Variants in C5 observed in about 807,000 individuals in gnomAD.
C5 encodes C3 and PZP-like alpha-2-macroglobulin domain-containing protein 4.
Under a neutral mutation model 218.8 loss-of-function variants are expected in C5, and 140 were observed. The ratio of observed to expected loss-of-function variants is 0.64; its 90% CI spans 0.56 to 0.74. The LOEUF (loss-of-function observed/expected upper bound fraction) is 0.74, where lower values mean the gene tolerates loss of function less well. C5 is among the 30% of genes least tolerant of loss of function. C5 has a pLI of 0.00. For synonymous variants in C5, 614 were observed against 682.3 expected (o/e 0.90, Z 1.56); for missense variants, 1,700 against 1,969.6 (o/e 0.86, Z 2.59).
intron 7 of C5, among the ~76,000 whole-genome samples, chr9:121,029,658 C>A (rs7031128): frequency 0.75 from 113,994 of 152,054 alleles, 43,171 homozygotes; most frequent in East Asian, 0.99. Flanking sequence ...TGCACAGTTC[C>A]TTGTGTCCAC....
Position 121,034,901 on chromosome 9 carries a change from AT to A in C5, c.493-8del, listed in dbSNP as rs1271344819. The A allele has an allele frequency of 6.7e-7, 1 of 1,495,508 alleles. No homozygotes were observed. The highest frequency in any genetic ancestry group is 1.4e-5 in the African/African-American group (1 of 72,714). 92.6% of individuals were successfully genotyped at this position (1,495,508 alleles called of 1,614,324 possible). A position where few individuals can be genotyped will look rare whatever the true frequency, so the allele number is the denominator to read the frequency against. ...CTTCTGATCCTTCAGGATCCTGTAA[AT>A]AAAAACAAACACCCTCAAAGGCCAG... On this transcript the variant is annotated splice_polypyrimidine_tract_variant and splice_region_variant and intron_variant, in intron 4 of 40. Coordinates refer to ENST00000223642, the MANE Select transcript of C5 (RefSeq NM_001735.3).
At chr9:121,009,023 AT>A (rs1161748110) in intron 17 of C5, among the ~76,000 whole-genome samples, 3 of 152,134 alleles carry the variant, frequency 2.0e-5, no homozygotes, top group East Asian at 1.9e-4. Flanking sequence ...ATCTTTAATG[AT>A]TTTTTTCTTA....
At chr9:120,960,806 G>A (rs2046821559) in intron 37 of C5, among the ~76,000 whole-genome samples, 1 of 152,172 alleles carries the variant, frequency 6.6e-6, no homozygotes, top group Non-Finnish European at 1.5e-5. Context: ...TAGACTGGGT[G>A]GCTACTCCAC....
chr9:121,061,096 GA>G, the C5 span, among the ~76,000 whole-genome samples: 1 of 152,178 alleles, frequency 6.6e-6, no homozygotes, highest in Non-Finnish European at 1.5e-5. Flanking sequence ...GCTGAGGCAG[GA>G]GAATCACTTG....
Position 121,023,481 on chromosome 9 carries a change from A to ACCCCC in C5, c.1038_1039insGGGGG (p.Tyr347GlyfsTer10). 5.0e-6 allele frequency: 8 copies of ACCCCC among 1,613,806 alleles called. No homozygotes were observed. The highest frequency in any genetic ancestry group is 6.8e-6 in the Non-Finnish European group (8 of 1,179,674). On this transcript the variant is annotated frameshift_variant, in exon 10 of 41. Coordinates refer to ENST00000223642, the MANE Select transcript of C5 (RefSeq NM_001735.3). LOFTEE classifies it high-confidence loss of function. Reference sequence around the variant, plus strand: ...TTCAGTTTGTAGGGAGAGAGGACATATTTGATGCCAGGTATTTCTGCCTCT... The same window carrying ACCCCC: ...TTCAGTTTGTAGGGAGAGAGGACATACCCCCTTTGATGCCAGGTATTTCTGCCTCT...
the C5 span, among the ~76,000 whole-genome samples, chr9:121,062,167 G>A: frequency 2.0e-5 from 3 of 152,050 alleles, no homozygotes; most frequent in Admixed American, 1.3e-4. Context: ...CAGTGCCCCG[G>A]CTTGCTCAGC....
intron 20 of C5, chr9:120,999,752 C>A: frequency 7.3e-6 from 2 of 273,734 alleles, no homozygotes; most frequent in Non-Finnish European, 1.5e-5. Flanking sequence ...AAGTGTAACC[C>A]ACACTCAGGA....
chr9:121,071,093 G>A, the C5 span, among the ~76,000 whole-genome samples: 1 of 152,166 alleles, frequency 6.6e-6, no homozygotes, highest in African/African-American at 2.4e-5. Context: ...GCGGATACTT[G>A]AGGCCAGGAG....
upstream of C5, among the ~76,000 whole-genome samples, chr9:121,052,604 C>T (rs1173726333): frequency 1.3e-5 from 2 of 152,050 alleles, no homozygotes; most frequent in African/African-American, 4.8e-5. Flanking sequence ...GACCTTCCTG[C>T]TAATGCTGCC....
rs149090883 is a variant in C5, at chr9:120,953,717, A to G, written c.4901+13T>C. 5.4e-5 allele frequency: 87 copies of G among 1,613,752 alleles called. No individual in the cohort carries two copies. The African/African-American group carries it at 9.7e-4, about 18-fold the overall frequency. On this transcript the variant is annotated intron_variant, in intron 40 of 40. Transcript: ENST00000223642. ...GAGGGAAGATCAGTGACTGAAAAATATTGGTGACTTACCTGAAACTGAAAT... is the reference window on the plus strand; with the variant it reads ...GAGGGAAGATCAGTGACTGAAAAATGTTGGTGACTTACCTGAAACTGAAAT...
intron 38 of C5, 117 bp downstream of exon 38, chr9:120,960,131 G>A: frequency 1.4e-6 from 1 of 702,646 alleles, no homozygotes; most frequent in Non-Finnish European, 2.5e-6. Flanking sequence ...TCCTTCAGGG[G>A]ATCACATGGA....
In C5 at chr9:120,961,496, C is replaced by G. The variant is rs752907516; in HGVS notation, c.4574G>C (p.Cys1525Ser). The G allele has an allele frequency of 1.9e-6, 3 of 1,609,722 alleles. No homozygotes were observed. Among genetic ancestry groups the G allele is most frequent in the Non-Finnish European group, 1.7e-6 (2 of 1,176,106 alleles). The change falls in exon 37 of 41, where the codon TGC becomes TCC. Residue 1525 changes from cysteine to serine, a missense_variant. Physicochemically the swap from Cys to Ser is moderately radical, Grantham distance 112. Transcript: ENST00000223642. ...ATAAAGTTTACCTTCTACACACTTG[C>G]ACGCGGCTCCTTCACAGACTTTCTG... ...KIQKVCEGAACKCVEADCGQM... is the reference protein window; with the variant it reads ...KIQKVCEGAASKCVEADCGQM...
intron 33 of C5, among the ~76,000 whole-genome samples, chr9:120,968,597 G>C (rs1421441710): frequency 1.3e-5 from 2 of 152,164 alleles, no homozygotes; most frequent in African/African-American, 4.8e-5. Flanking sequence ...CTCAACCCTG[G>C]CTACCATTAG....
chr9:120,974,590 G>A (rs2046938305), intron 30 of C5, among the ~76,000 whole-genome samples, 189 bp downstream of exon 30: 1 of 152,230 alleles, frequency 6.6e-6, no homozygotes, highest in South Asian at 2.1e-4. Context: ...CCTGCACTAC[G>A]CTGATTGTTT....
chr9:120,997,841 C>T (rs1025656395), intron 20 of C5, 67 bp from the exon 21 acceptor site: 30 of 1,383,678 alleles, frequency 2.2e-5, no homozygotes, highest in South Asian at 1.6e-4. Context: ...CTTGCTATGT[C>T]GCCCAGGCTG....
In C5 at chr9:120,957,210, T is replaced by A. The variant is rs1588163152; in HGVS notation, c.4762+75A>T. ...TTATTTGAGTTGTATCTTCTGTGTT[T>A]AATATAATGCCTGGCACATAGTCAG... On this transcript the variant is annotated intron_variant, in intron 39 of 40. Transcript: ENST00000223642. 1.0e-5 allele frequency: 10 copies of A among 998,414 alleles called. No homozygotes were observed. In the East Asian group the frequency reaches 2.4e-4, roughly 24 times the overall value. 61.8% of individuals were successfully genotyped at this position (998,414 alleles called of 1,614,324 possible). A position where few individuals can be genotyped will look rare whatever the true frequency, so the allele number is the denominator to read the frequency against.
chr9:121,061,681 T>C, the C5 span, among the ~76,000 whole-genome samples: 1 of 152,386 alleles, frequency 6.6e-6, no homozygotes, highest in South Asian at 2.1e-4. Context: ...TTATCATTCA[T>C]CTTCATATTG....
At chr9:120,984,714 CTTTTTTTTTTTTTTT>C (rs149222003) in intron 25 of C5, among the ~76,000 whole-genome samples, 1 of 69,212 alleles carries the variant, frequency 1.4e-5, no homozygotes, top group East Asian at 5.1e-4. Context: ...TAAGCTCTTA[CTTTTTTTTTTTTTTT>C]TTTTTTTTTT....
intron 25 of C5, among the ~76,000 whole-genome samples, chr9:120,983,463 T>C (rs2047010424): frequency 6.6e-6 from 1 of 152,238 alleles, no homozygotes; most frequent in South Asian, 2.1e-4. Flanking sequence ...CCCCAGGTCC[T>C]CAAATGTCTG....
Sources: gnomAD v4.1 joint callset for allele counts (sites outside exome capture counted in the v4.1 genomes callset) on GRCh38, gnomAD v4.1.1 for gene constraint, MANE v1.5 for transcripts, NCBI Gene and HGNC (gene_info 2026-07-23, HGNC 2026-07-21) for gene names.